KLF17: variants seen among roughly 807,000 people sequenced by gnomAD.
KLF17 encodes the protein Krueppel-like factor 17.
A neutral mutation model predicts 34.2 loss-of-function variants in KLF17; 31 were observed. The observed-to-expected ratio is 0.91, with a 90% CI of 0.68 to 1.22. The LOEUF is 1.22. KLF17 is among the 50% of genes most tolerant of loss of function. The probability of loss-of-function intolerance (pLI) is 0.00; values close to 1 mark genes in which losing one functional copy is unlikely to be tolerated. For missense variants in KLF17, 478 were observed against 505.2 expected (o/e 0.95, Z 0.52); for synonymous variants, 179 against 186.7 (o/e 0.96, Z 0.34).
At chr1:44,083,923 G>A in the KLF17 span, among the ~76,000 whole-genome samples, 2 of 152,090 alleles carry the variant, frequency 1.3e-5, no homozygotes, top group Non-Finnish European at 2.9e-5. Flanking sequence ...CTCTAGGAAA[G>A]TTCAAGTGAC....
At chr1:44,053,713 G>A in the KLF17 span, among the ~76,000 whole-genome samples, 1 of 152,206 alleles carries the variant, frequency 6.6e-6, no homozygotes, top group African/African-American at 2.4e-5. Context: ...CTTTATGCAA[G>A]GAAAAATTTG....
In KLF17 at chr1:44,129,886, C is replaced by A; in HGVS notation, c.615C>A (p.Leu205=). ...CTTCCACTGAGGCCCAGGCAGTGCT[C>A]CCCTCCATGGCTCAGATGTTGCCCC... is the stretch of plus-strand genomic sequence containing the variant. ...TVPSTEAQAV[L]PSMAQMLPPQ... Residue 205 remains leucine, a synonymous_variant, in exon 2 of 4, where the codon CTC becomes CTA. Coordinates refer to ENST00000372299, the MANE Select transcript of KLF17 (RefSeq NM_173484.4). 6.2e-7 allele frequency: 1 copy of A among 1,614,180 alleles called. No individual in the cohort carries two copies. Among genetic ancestry groups the A allele is most frequent in the East Asian group, 2.2e-5 (1 of 44,870 alleles).
chr1:44,085,498 A>G, the KLF17 span, among the ~76,000 whole-genome samples: 1 of 152,118 alleles, frequency 6.6e-6, no homozygotes, highest in Non-Finnish European at 1.5e-5. Flanking sequence ...CCTAAATTCC[A>G]TTAAGAAAGA....
the KLF17 span, chr1:44,088,089 G>T: frequency 1.5e-5 from 3 of 193,772 alleles, no homozygotes; most frequent in South Asian, 2.6e-4. Flanking sequence ...GCTTGATCAA[G>T]CTGCCAAGCA....
chr1:44,054,223 A>G, the KLF17 span, among the ~76,000 whole-genome samples: 1 of 152,178 alleles, frequency 6.6e-6, no homozygotes, highest in African/African-American at 2.4e-5. Context: ...AGGAAGCTAC[A>G]AAAGGTAGCA....
At chr1:44,122,846 C>G (rs1227528274) in intron 1 of KLF17, among the ~76,000 whole-genome samples, 2 of 152,034 alleles carry the variant, frequency 1.3e-5, no homozygotes, top group Non-Finnish European at 1.5e-5. Context: ...TGATCCACCC[C>G]CCTTGGCCTC....
chr1:44,116,626 G>T (rs1002991835), upstream of KLF17, among the ~76,000 whole-genome samples: 5 of 152,158 alleles, frequency 3.3e-5, no homozygotes, highest in Admixed American at 2.0e-4. Context: ...ACTGCACTTG[G>T]TTTTGTCAGA....
At chr1:44,083,326 GT>G in the KLF17 span, among the ~76,000 whole-genome samples, 3 of 151,644 alleles carry the variant, frequency 2.0e-5, no homozygotes, top group Non-Finnish European at 4.4e-5. Flanking sequence ...AATTGCTTAA[GT>G]TTTTTCCTTG....
intron 1 of KLF17, among the ~76,000 whole-genome samples, chr1:44,127,675 T>TTTCTTTC (rs1491008478): frequency 1.1e-4 from 5 of 46,488 alleles, no homozygotes; most frequent in African/African-American, 2.6e-4. Context: ...TCTTTCTTTC[T>TTTCTTTC]TTCTTTCTTT....
the KLF17 span, among the ~76,000 whole-genome samples, chr1:44,052,903 ATTTT>A: frequency 7.1e-6 from 1 of 140,804 alleles, no homozygotes; most frequent in African/African-American, 2.6e-5. Flanking sequence ...CCTAGGCAGG[ATTTT>A]TTTTTTTTTT....
the KLF17 span, chr1:44,048,377 G>C: frequency 3.6e-4 from 55 of 152,330 alleles, no homozygotes; most frequent in African/African-American, 1.2e-3. Context: ...AAGACTGTGA[G>C]ACTTCCTCCC....
Position 44,130,680 on chromosome 1 carries a change from A to G in KLF17, c.1094A>G (p.His365Arg). Residue 365 changes from histidine (H) to arginine (R), a missense_variant, in exon 3 of 4, where the codon CAT becomes CGT. By Grantham distance (29) the His-to-Arg change is conservative (BLOSUM62 0). Coordinates refer to ENST00000372299, the MANE Select transcript of KLF17 (RefSeq NM_173484.4). The stretch of plus-strand genomic sequence containing the variant: ...CATCTCAAGCAACACCAGAAGACTC[A>G]TCGGCCGGGACCCTCAGACCCACAG... ...SDHLKQHQKTHRPGPSDPQAN... is the reference protein window; with the variant it reads ...SDHLKQHQKTRRPGPSDPQAN... 1 of 1,612,328 alleles carries G rather than the reference A, an allele frequency of 6.2e-7. No homozygotes were observed. The highest frequency in any genetic ancestry group is 8.5e-7 in the Non-Finnish European group (1 of 1,178,582).
the KLF17 span, among the ~76,000 whole-genome samples, chr1:44,090,912 CCA>C: frequency 0.013 from 1,904 of 150,322 alleles, 45 homozygotes; most frequent in African/African-American, 0.043. Context: ...ACAATTCCCA[CCA>C]CACACACACA....
chr1:44,102,326 C>T, the KLF17 span, among the ~76,000 whole-genome samples: 518 of 152,056 alleles, frequency 3.4e-3, 1 homozygote, highest in Admixed American at 5.2e-3. Flanking sequence ...TTAAGGCGGA[C>T]AGATCACTTG....
At chr1:44,111,143 T>C in the KLF17 span, among the ~76,000 whole-genome samples, 23 of 151,934 alleles carry the variant, frequency 1.5e-4, no homozygotes, top group African/African-American at 5.6e-4. Flanking sequence ...ACACCACCAC[T>C]CCCAGCTATA....
At chr1:44,128,437 C>G (rs970998032) in intron 1 of KLF17, among the ~76,000 whole-genome samples, 3 of 152,146 alleles carry the variant, frequency 2.0e-5, no homozygotes, top group African/African-American at 7.2e-5. Flanking sequence ...TCATGCAAGT[C>G]AGTCATTAAG....
intron 1 of KLF17, among the ~76,000 whole-genome samples, chr1:44,121,259 G>A (rs538993000): frequency 1.3e-5 from 2 of 152,248 alleles, no homozygotes; most frequent in African/African-American, 4.8e-5. Context: ...TGGGATTACA[G>A]GCGTGTGCCA....
the KLF17 span, among the ~76,000 whole-genome samples, chr1:44,047,628 G>T: frequency 6.6e-6 from 1 of 152,204 alleles, no homozygotes; most frequent in East Asian, 1.9e-4. Flanking sequence ...TTGAGGGAAA[G>T]AATGCTTAGA....
intron 1 of KLF17, among the ~76,000 whole-genome samples, chr1:44,128,864 T>A (rs2088061295): frequency 6.6e-6 from 1 of 151,844 alleles, no homozygotes; most frequent in Admixed American, 6.6e-5. Context: ...AATACAAAAT[T>A]AGCTGGGCAT....
Sources: allele counts gnomAD v4.1 joint callset (sites outside exome capture counted in the v4.1 genomes callset), GRCh38; gene constraint gnomAD v4.1.1; transcripts MANE v1.5; gene names NCBI Gene and HGNC (gene_info 2026-07-23, HGNC 2026-07-21).